The following BDP1 variants were observed in gnomAD, a reference collection of about 807,000 sequenced individuals.
BDP1 encodes the protein transcription factor TFIIIB component B'' homolog.
Under a neutral mutation model 266.6 loss-of-function variants are expected in BDP1, and 169 were observed. The ratio of observed to expected loss-of-function variants is 0.63; its 90% CI spans 0.56 to 0.72. The LOEUF is 0.72. Among genes scored for constraint, BDP1 ranks in the 30% least tolerant of loss-of-function variants. The pLI, the probability that BDP1 is intolerant of heterozygous loss-of-function variation, is 0.00. For missense variants in BDP1, 3,015 were observed against 3,053.8 expected (o/e 0.99, Z 0.30); for synonymous variants, 1,090 against 1,022.4 (o/e 1.07, Z -1.26).
rs376507704 is a variant in BDP1, at chr5:71,543,460, C to T, written c.6413-897C>T. Among the ~76,000 whole-genome samples, 16 of 152,126 alleles carry T rather than the reference C, an allele frequency of 1.1e-4. 1 individual carries two copies. Among genetic ancestry groups the T allele is most frequent in the African/African-American group, 3.4e-4 (14 of 41,492 alleles). ...AAATAATTTTTAACAGTTAGCCAGA[C>T]GTGGTGGCACACACCTGTGGTCCCA... On this transcript the variant is annotated intron_variant, in intron 30 of 38. Coordinates refer to ENST00000358731, the MANE Select transcript of BDP1 (RefSeq NM_018429.3).
intron 7 of BDP1, among the ~76,000 whole-genome samples, chr5:71,480,945 G>A (rs1190898568): frequency 6.6e-6 from 1 of 152,180 alleles, no homozygotes; most frequent in East Asian, 1.9e-4. Flanking sequence ...GGGAGGCCAA[G>A]GCGGGTGGAT....
At chr5:71,467,235 A>G (rs1761958001) in intron 5 of BDP1, 119 bp from the exon 6 acceptor site, 1 of 786,536 alleles carries the variant, frequency 1.3e-6, no homozygotes, top group Non-Finnish European at 2.0e-6. Flanking sequence ...TCACATAGGT[A>G]TTATTATGCC....
chr5:71,491,261 A>G (rs1763573989), intron 11 of BDP1, 130 bp downstream of exon 11: 1 of 817,316 alleles, frequency 1.2e-6, no homozygotes, highest in Non-Finnish European at 1.9e-6. Context: ...TGCTCCATAT[A>G]TTTTGAAGCT....
At chr5:71,518,465 T>A (rs1765333450) in intron 22 of BDP1, among the ~76,000 whole-genome samples, 1 of 152,194 alleles carries the variant, frequency 6.6e-6, no homozygotes, top group Admixed American at 6.5e-5. Flanking sequence ...TATTTACTTT[T>A]TGAGACAAGG....
chr5:71,460,237 G>C (rs977623007), intron 2 of BDP1, among the ~76,000 whole-genome samples: 3 of 152,136 alleles, frequency 2.0e-5, no homozygotes, highest in Non-Finnish European at 2.9e-5. Context: ...AACATTATCT[G>C]GTTGTGGTGG....
At chr5:71,529,274 C>T (rs1469922897) in intron 25 of BDP1, among the ~76,000 whole-genome samples, 1 of 152,066 alleles carries the variant, frequency 6.6e-6, no homozygotes, top group East Asian at 1.9e-4. Flanking sequence ...CCTGTAATCC[C>T]AGCTACTTGG....
chr5:71,544,165 T>C (rs1282737645), intron 30 of BDP1, among the ~76,000 whole-genome samples, 192 bp from the exon 31 acceptor site: 1 of 152,226 alleles, frequency 6.6e-6, no homozygotes, highest in Non-Finnish European at 1.5e-5. Flanking sequence ...GATTTATTAA[T>C]CATGTGTTTT....
At chr5:71,545,371 GC>G in intron 32 of BDP1, 152 bp downstream of exon 32, 1 of 769,302 alleles carries the variant, frequency 1.3e-6, no homozygotes, top group Non-Finnish European at 2.0e-6. Context: ...TTGTTCTGTT[GC>G]CCAGGCAAGA....
At chr5:71,574,851 T>A in the BDP1 span, among the ~76,000 whole-genome samples, 1 of 152,132 alleles carries the variant, frequency 6.6e-6, no homozygotes, top group Non-Finnish European at 1.5e-5. Context: ...TCCCAACCAG[T>A]AGCCTCTAAT....
intron 25 of BDP1, among the ~76,000 whole-genome samples, chr5:71,525,899 G>A (rs1485094330): frequency 6.6e-6 from 1 of 151,802 alleles, no homozygotes; most frequent in Non-Finnish European, 1.5e-5. Context: ...CCAGGCAGAG[G>A]GTCTCCTCAC....
chr5:71,532,198 G>T, intron 25 of BDP1, 110 bp from the exon 26 acceptor site: 1 of 913,404 alleles, frequency 1.1e-6, no homozygotes, highest in Non-Finnish European at 1.6e-6. Context: ...TATGAATGTG[G>T]ATTATTTCTT....
intron 12 of BDP1, among the ~76,000 whole-genome samples, chr5:71,496,241 CAAAAAAAAA>C (rs34456179): frequency 9.1e-6 from 1 of 110,104 alleles, no homozygotes; most frequent in Non-Finnish European, 1.8e-5. Flanking sequence ...GACTCCATTT[CAAAAAAAAA>C]AAAAAAAGAA....
At chr5:71,546,163 C>T (rs1435834692) in intron 32 of BDP1, among the ~76,000 whole-genome samples, 4 of 152,068 alleles carry the variant, frequency 2.6e-5, no homozygotes, top group Non-Finnish European at 4.4e-5. Context: ...ATTCCTTACC[C>T]CACCCTGACT....
At chr5:71,482,844 GATA>G (rs1038564446) in intron 7 of BDP1, among the ~76,000 whole-genome samples, 6 of 152,216 alleles carry the variant, frequency 3.9e-5, no homozygotes, top group South Asian at 4.1e-4. Flanking sequence ...CTTCTGTATT[GATA>G]ATAAGTTTTG....
In BDP1 at chr5:71,502,659, A is replaced by G; in HGVS notation, c.2109A>G (p.Gln703=). The change falls in exon 15 of 39, where the codon CAA becomes CAG. Residue 703 remains glutamine, a synonymous_variant. Coordinates refer to ENST00000358731, the MANE Select transcript of BDP1 (RefSeq NM_018429.3). Reference sequence around the variant, plus strand: ...AACTAAAGGCTTTAAGACCTGTACAAGTGAGGGGCCGATTGCAAAAGCCAA... The same window carrying G: ...AACTAAAGGCTTTAAGACCTGTACAGGTGAGGGGCCGATTGCAAAAGCCAA... ...GSQLKALRPV[Q]VRGRLQKPKP... is the part of the protein sequence containing the mutation. 1 of 1,614,108 alleles carries G rather than the reference A, an allele frequency of 6.2e-7. No homozygotes were observed. The highest frequency in any genetic ancestry group is 1.3e-5 in the African/African-American group (1 of 75,026).
chr5:71,489,462 A>G lies in BDP1; in HGVS notation c.1272A>G (p.Arg424=). 1.2e-6 allele frequency: 2 copies of G among 1,614,076 alleles called. No homozygotes were observed. The highest frequency in any genetic ancestry group is 1.7e-6 in the Non-Finnish European group (2 of 1,179,970). Residue 424 remains arginine (R), a synonymous_variant, in exon 10 of 39, where the codon AGA becomes AGG. Transcript: ENST00000358731. The part of the protein sequence containing the change: ...NNDPDESMSS[R]ISDTERSQKD... ...ATCCAGATGAGTCTATGAGTTCTAG[A>G]ATTTCAGACACGGAAAGATCTCAGA... is the stretch of plus-strand genomic sequence containing the variant.
chr5:71,519,639 T>A (rs746920852), intron 22 of BDP1, among the ~76,000 whole-genome samples: 3 of 152,238 alleles, frequency 2.0e-5, no homozygotes, highest in Non-Finnish European at 2.9e-5. Context: ...ATGACAGGAT[T>A]TCATTCTTTT....
At position 71,566,554 on chromosome 5, in the gene BDP1, C is replaced by T. The variant is rs1744044271; in HGVS notation, c.*1669C>T. The T allele has an allele frequency of 6.6e-6, 1 of 152,074 alleles. No individual in the cohort carries two copies. The highest frequency in any genetic ancestry group is 1.5e-5 in the Non-Finnish European group (1 of 68,010). The allele number at this position is 152,074 out of a possible 1,614,324, so 9.4% of individuals were successfully genotyped here. On this transcript the variant is annotated 3_prime_UTR_variant, in exon 39 of 39. Coordinates refer to ENST00000358731, the MANE Select transcript of BDP1 (RefSeq NM_018429.3). ...TGGATTGATAGTATAGTAGCTCAGG[C>T]ATTGGAAACTTTCTGCAAACTGTTT...
chr5:71,498,705 T>A (rs886250588), intron 13 of BDP1, among the ~76,000 whole-genome samples: 33 of 149,736 alleles, frequency 2.2e-4, no homozygotes, highest in African/African-American at 7.2e-4. Flanking sequence ...ATTACAGGCG[T>A]GAGCCACCAC....
Sources: gnomAD v4.1 joint callset for allele counts (sites outside exome capture counted in the v4.1 genomes callset) on GRCh38, gnomAD v4.1.1 for gene constraint, MANE v1.5 for transcripts, NCBI Gene and HGNC (gene_info 2026-07-23, HGNC 2026-07-21) for gene names.